The following AFM variants were observed in gnomAD, a reference collection of about 807,000 sequenced individuals.
The protein encoded by AFM is afamin.
A neutral mutation model predicts 68.7 loss-of-function variants in AFM; 82 were observed. The observed-to-expected ratio is 1.19, with a 90% confidence interval of 1.00 to 1.43. The LOEUF is 1.43. Among genes scored for constraint, AFM ranks in the 40% most tolerant of loss-of-function variants. The pLI, the probability that AFM is intolerant of heterozygous loss-of-function variation, is 0.00. For synonymous variants in AFM, 250 were observed against 234.2 expected (o/e 1.07, Z -0.61); for missense variants, 772 against 701.8 (o/e 1.10, Z -1.13).
chr4:73,487,559 G>A (rs182024210), intron 5 of AFM, among the ~76,000 whole-genome samples, 165 bp from the exon 6 acceptor site: 243 of 152,230 alleles, frequency 1.6e-3, no homozygotes, highest in Middle Eastern at 6.8e-3. Flanking sequence ...GTGATGTGCC[G>A]TAAGTGCATA....
rs752435615 is a variant in AFM at position 73,495,424 on chromosome 4, CGTTACGCGGTAG to C, written c.1187_1191+7del. Reference sequence around the variant, plus strand: ...CACAGAAAACCCTCCAGGTTGTTACCGTTACGCGGTAGGTTCCATTGTTGTAGGTTCAGAAAA... The same window carrying C: ...CACAGAAAACCCTCCAGGTTGTTACCGTTCCATTGTTGTAGGTTCAGAAAA... On this transcript the variant is annotated splice_donor_variant and splice_donor_region_variant and coding_sequence_variant and intron_variant, in exon 9 of 15. Coordinates refer to ENST00000226355, the MANE Select transcript of AFM (RefSeq NM_001133.2). LOFTEE classifies it high-confidence loss of function. 1 of 1,609,822 alleles carries C rather than the reference CGTTACGCGGTAG, an allele frequency of 6.2e-7. No homozygotes were observed. Among genetic ancestry groups the C allele is most frequent in the Non-Finnish European group, 8.5e-7 (1 of 1,178,898 alleles).
At chr4:73,502,554 G>A (rs1484825974) in intron 13 of AFM, among the ~76,000 whole-genome samples, 1 of 152,136 alleles carries the variant, frequency 6.6e-6, no homozygotes, top group Non-Finnish European at 1.5e-5. Flanking sequence ...CCAATGGATG[G>A]CTCCATGGAA....
intron 8 of AFM, 99 bp from the exon 9 acceptor site, chr4:73,495,201 A>G: frequency 1.8e-6 from 2 of 1,135,122 alleles, no homozygotes; most frequent in South Asian, 4.2e-5. Context: ...AGCTTTTGAA[A>G]GCAGAGTCAG....
chr4:73,482,026 T>G (rs1198309183), intron 1 of AFM, among the ~76,000 whole-genome samples, 163 bp downstream of exon 1: 1 of 152,228 alleles, frequency 6.6e-6, no homozygotes, highest in African/African-American at 2.4e-5. Context: ...TTCAGAATTT[T>G]TATTTTGATG....
chr4:73,502,975 A>G (rs1721460576), intron 13 of AFM, 75 bp from the exon 14 acceptor site: 1 of 1,330,462 alleles, frequency 7.5e-7, no homozygotes, highest in Non-Finnish European at 1.1e-6. Context: ...ATTCAGGAAA[A>G]CATGCTTATC....
At chr4:73,497,935 C>T (rs1271331042) in intron 10 of AFM, among the ~76,000 whole-genome samples, 186 bp downstream of exon 10, 1 of 152,106 alleles carries the variant, frequency 6.6e-6, no homozygotes. Context: ...AGAAATGAAG[C>T]TAAAAATAAA....
At chr4:73,500,543 G>GGA (rs1210224014) in intron 12 of AFM, among the ~76,000 whole-genome samples, 11 of 152,086 alleles carry the variant, frequency 7.2e-5, no homozygotes, top group African/African-American at 2.7e-4. Context: ...GGGAATGCCC[G>GGA]GAGAATATCA....
intron 9 of AFM, among the ~76,000 whole-genome samples, chr4:73,495,695 T>C (rs1191644132): frequency 6.6e-6 from 1 of 152,236 alleles, no homozygotes; most frequent in African/African-American, 2.4e-5. Flanking sequence ...TTTTTCTTTA[T>C]GTATTCTGTA....
Position 73,484,499 on chromosome 4 carries a change from T to TTTCC in AFM, c.270+112_270+113insCTTC, listed in dbSNP as rs1491498791. On this transcript the variant is annotated intron_variant, in intron 3 of 14. Coordinates refer to ENST00000226355, the MANE Select transcript of AFM (RefSeq NM_001133.2). Reference sequence around the variant, plus strand: ...CTTTCTTTCTTTCTTTCTTTCTTTCTTTCTTTCATTCTTTCTTTCTTCTTT... The same window carrying TTTCC: ...CTTTCTTTCTTTCTTTCTTTCTTTCTTTCCTTCTTTCATTCTTTCTTTCTTCTTT... The TTTCC allele has an allele frequency of 6.1e-6, 4 of 658,482 alleles. No homozygotes were observed. In the African/African-American group the frequency reaches 9.6e-5, roughly 16 times the overall value. 40.8% of individuals were successfully genotyped at this position (658,482 alleles called of 1,614,324 possible).
At chr4:73,500,279 T>G in intron 12 of AFM, 52 bp downstream of exon 12, 3 of 1,453,258 alleles carry the variant, frequency 2.1e-6, no homozygotes, top group Non-Finnish European at 2.8e-6. Flanking sequence ...AGACACACCA[T>G]GTATTAGTGA....
At position 73,499,177 on chromosome 4, in the gene AFM, C is replaced by T. The variant is rs373342401; in HGVS notation, c.1353C>T (p.Gly451=). Residue 451 remains glycine, a synonymous_variant, in exon 11 of 15, where the codon GGC becomes GGT. Transcript: ENST00000226355. ...QLSTEELVSL[G]EKMVTAFTTC... ...CCACTGAAGAACTGGTGTCTCTTGG[C>T]GAGAAAATGGTGACAGCTTTCACTA... The T allele has an allele frequency of 3.5e-5, 56 of 1,612,878 alleles. No individual in the cohort carries two copies. The highest frequency in any genetic ancestry group is 1.8e-4 in the Admixed American group (11 of 59,928).
intron 6 of AFM, among the ~76,000 whole-genome samples, chr4:73,488,022 G>T (rs564343153): frequency 2.6e-5 from 4 of 152,214 alleles, no homozygotes; most frequent in East Asian, 3.9e-4. Context: ...AGACCCAAAA[G>T]AGAATGGTGG....
At chr4:73,492,592 T>C (rs1160935276) in intron 8 of AFM, among the ~76,000 whole-genome samples, 1 of 151,624 alleles carries the variant, frequency 6.6e-6, no homozygotes, top group African/African-American at 2.4e-5. Context: ...TGAGTTCTGG[T>C]TGAGTTGCTG....
Position 73,499,984 on chromosome 4 carries a change from T to G in AFM, c.1423-20T>G, listed in dbSNP as rs1275684186. On this transcript the variant is annotated intron_variant, in intron 11 of 14. Coordinates refer to ENST00000226355, the MANE Select transcript of AFM (RefSeq NM_001133.2). Reference sequence around the variant, plus strand: ...TCAAGTTTTAAGATCGTATCTCAGTTGCAACTCTTGTTGGTACAGGCAGAT... The same window carrying G: ...TCAAGTTTTAAGATCGTATCTCAGTGGCAACTCTTGTTGGTACAGGCAGAT... 6.3e-7 allele frequency: 1 copy of G among 1,599,054 alleles called. No homozygotes were observed. Among genetic ancestry groups the G allele is most frequent in the African/African-American group, 1.3e-5 (1 of 74,582 alleles).
intron 10 of AFM, among the ~76,000 whole-genome samples, chr4:73,498,117 G>T (rs374108134): frequency 6.7e-4 from 102 of 152,206 alleles, no homozygotes; most frequent in African/African-American, 2.4e-3. Flanking sequence ...GCCTTGCCTT[G>T]CCTTACGGCT....
At chr4:73,498,859 G>A (rs544703741) in intron 10 of AFM, among the ~76,000 whole-genome samples, 12 of 152,240 alleles carry the variant, frequency 7.9e-5, no homozygotes, top group African/African-American at 2.6e-4. Flanking sequence ...TATACTTAAA[G>A]ATAACACGGG....
chr4:73,498,417 C>G (rs1465898192), intron 10 of AFM, among the ~76,000 whole-genome samples: 1 of 152,090 alleles, frequency 6.6e-6, no homozygotes, highest in Admixed American at 6.5e-5. Flanking sequence ...TCTCAAGTAG[C>G]TAGGGCTACA....
In AFM at chr4:73,497,684, C is replaced by A. The variant is rs866253965; in HGVS notation, c.1224C>A (p.Ser408Arg). 8 of 1,609,286 alleles carry A rather than the reference C, an allele frequency of 5.0e-6. No individual in the cohort carries two copies. In the Middle Eastern group the frequency reaches 1.3e-3, roughly 267 times the overall value. ...EDKFNETTEK[S>R]LKMVQQECKH... is the part of the protein sequence containing the mutation. ...AATTCAATGAGACAACTGAGAAAAG[C>A]CTCAAGATGGTACAACAAGAATGTA... Residue 408 changes from serine (S) to arginine (R), a missense_variant, in exon 10 of 15, where the codon AGC becomes AGA. Ser to Arg is a moderately radical substitution (Grantham distance 110). Coordinates refer to ENST00000226355, the MANE Select transcript of AFM (RefSeq NM_001133.2).
At chr4:73,500,958 G>C (rs909970716) in intron 12 of AFM, among the ~76,000 whole-genome samples, 3 of 152,062 alleles carry the variant, frequency 2.0e-5, no homozygotes, top group Middle Eastern at 3.2e-3. Context: ...ATGAAAGCGA[G>C]AAAATGCAAA....
Sources: gnomAD v4.1 joint callset for allele counts (sites outside exome capture counted in the v4.1 genomes callset) on GRCh38, gnomAD v4.1.1 for gene constraint, MANE v1.5 for transcripts, NCBI Gene and HGNC (gene_info 2026-07-23, HGNC 2026-07-21) for gene names.